Variants in PPP2R5C observed in about 807,000 individuals in gnomAD.
PPP2R5C encodes the protein protein phosphatase 2 regulatory subunit B'gamma.
Under a neutral mutation model 68.9 loss-of-function variants are expected in PPP2R5C, and 7 were observed. That is an observed-to-expected ratio of 0.10 (90% CI 0.06 to 0.19). PPP2R5C has a LOEUF of 0.19. PPP2R5C is among the 10% of genes least tolerant of loss of function. The probability of loss-of-function intolerance (pLI) is 1.00; values close to 1 mark genes in which losing one functional copy is unlikely to be tolerated. For missense variants in PPP2R5C, 348 were observed against 641.3 expected (o/e 0.54, Z 4.94); for synonymous variants, 210 against 222.2 (o/e 0.95, Z 0.49).
chr14:101,854,846 T>C (rs892836158), intron 1 of PPP2R5C, among the ~76,000 whole-genome samples: 1 of 152,212 alleles, frequency 6.6e-6, no homozygotes, highest in Non-Finnish European at 1.5e-5. Flanking sequence ...ACATATTACA[T>C]TTTAACAGAA....
At chr14:101,908,552 G>A (rs567818104) in intron 10 of PPP2R5C, among the ~76,000 whole-genome samples, 1 of 151,944 alleles carries the variant, frequency 6.6e-6, no homozygotes, top group African/African-American at 2.4e-5. Context: ...TTTTGCATTT[G>A]TAGTAGAGAT....
chr14:101,818,798 T>G (rs376076031), intron 1 of PPP2R5C: 14 of 528,274 alleles, frequency 2.7e-5, no homozygotes, highest in African/African-American at 2.5e-4. Flanking sequence ...TGTTTTTAAA[T>G]GTTGATATTT....
intron 3 of PPP2R5C, among the ~76,000 whole-genome samples, chr14:101,798,800 G>C (rs1281996366): frequency 6.6e-6 from 1 of 152,160 alleles, no homozygotes; most frequent in East Asian, 1.9e-4. Flanking sequence ...CTCAGGAAAG[G>C]TTCAGAATGT....
chr14:101,800,383 G>A lies in PPP2R5C; in HGVS notation c.259+14200G>A, dbSNP rs567104465. Among the ~76,000 whole-genome samples the A allele has an allele frequency of 9.2e-5, 14 of 152,094 alleles. No individual in the cohort carries two copies. The East Asian group carries it at 2.3e-3, about 25-fold the overall frequency. On this transcript the variant is annotated intron_variant, in intron 3 of 14. Transcript: ENST00000328724. Reference sequence around the variant, plus strand: ...TTGAGACCAGCCTGGGCAACAAGGCGAAACCCCGTGTCTACTAAAAGTTCA... The same window carrying A: ...TTGAGACCAGCCTGGGCAACAAGGCAAAACCCCGTGTCTACTAAAAGTTCA...
intron 8 of PPP2R5C, among the ~76,000 whole-genome samples, chr14:101,901,151 G>A (rs934044259): frequency 2.6e-5 from 4 of 152,204 alleles, no homozygotes; most frequent in Non-Finnish European, 4.4e-5. Flanking sequence ...TTGTGTACAC[G>A]TGGCCCACAG....
At chr14:101,768,513 G>A (rs746382286) in intron 2 of PPP2R5C, among the ~76,000 whole-genome samples, 1 of 152,044 alleles carries the variant, frequency 6.6e-6, no homozygotes, top group African/African-American at 2.4e-5. Context: ...TATGTGGAAA[G>A]AATTTTTTTT....
chr14:101,852,463 CTTTTTCTTTTT>C (rs1285648388), intron 1 of PPP2R5C, among the ~76,000 whole-genome samples: 4 of 126,192 alleles, frequency 3.2e-5, no homozygotes, highest in Admixed American at 1.6e-4. Context: ...TTTTCATTTT[CTTTTTCTTTTT>C]TTTTTTTTTT....
In PPP2R5C at chr14:101,915,317, T is replaced by G. The variant is rs2046609072; in HGVS notation, c.1327-2514T>G. ...GGCTGGTCTCGAACTCCTGACCTTG[T>G]GATCTACCTGCCTCGGCCTCCCAGA... On this transcript the variant is annotated intron_variant, in intron 12 of 13. Coordinates refer to ENST00000334743, the Ensembl canonical transcript of PPP2R5C. This position sits in a 1 kb window ranked among gnomAD's most constrained non-coding sequence, Gnocchi z 4.2. Among the ~76,000 whole-genome samples the G allele has an allele frequency of 6.6e-6, 1 of 152,150 alleles. No homozygotes were observed.
rs990779788 is a variant in PPP2R5C at position 101,917,435 on chromosome 14, C to A, written c.1327-396C>A. Among the ~76,000 whole-genome samples, 2 of 152,078 alleles carry A rather than the reference C, an allele frequency of 1.3e-5. No individual in the cohort carries two copies. Among genetic ancestry groups the A allele is most frequent in the African/African-American group, 4.8e-5 (2 of 41,394 alleles). ...GGAAAAGAATCATGAGGTTGGAGGT[C>A]GCTGGCAAAGAATGGGCGGCCAGAG... On this transcript the variant is annotated intron_variant, in intron 12 of 13. Coordinates refer to ENST00000334743, the Ensembl canonical transcript of PPP2R5C. This position sits in a 1 kb window ranked among gnomAD's most constrained non-coding sequence, Gnocchi z 4.4.
rs1052157195 is a variant in PPP2R5C at position 101,891,020 on chromosome 14, G to A, written c.689+724G>A. 3.3e-5 allele frequency among the ~76,000 whole-genome samples: 5 copies of A among 151,910 alleles called. No homozygotes were observed. Among genetic ancestry groups the A allele is most frequent in the Admixed American group, 1.3e-4 (2 of 15,240 alleles). On this transcript the variant is annotated intron_variant, in intron 6 of 13. Coordinates refer to ENST00000334743, the Ensembl canonical transcript of PPP2R5C. The surrounding 1 kb of genome is among the most constrained non-coding windows in gnomAD (Gnocchi z 4.9). The stretch of plus-strand genomic sequence containing the variant: ...ACTGCTGGCCTCAGGTGATCTGCCC[G>A]CCTCACCTCCCAAAGTGCTGAGATT...
In PPP2R5C at chr14:101,913,499, C is replaced by A. The variant is rs2046499457; in HGVS notation, c.1326+1026C>A. On this transcript the variant is annotated intron_variant, in intron 12 of 13. Transcript: ENST00000334743. This position sits in a 1 kb window ranked among gnomAD's most constrained non-coding sequence, Gnocchi z 4.1. ...CGGAATGACATTTCTAATTGTGAGC[C>A]CTTGAGTCCACCTAAAACAGGTAGC... is the stretch of plus-strand genomic sequence containing the variant. Among the ~76,000 whole-genome samples the A allele has an allele frequency of 6.6e-6, 1 of 152,104 alleles. No homozygotes were observed. Among genetic ancestry groups the A allele is most frequent in the Admixed American group, 6.5e-5 (1 of 15,284 alleles).
chr14:101,849,800 T>G (rs968621684), intron 1 of PPP2R5C, among the ~76,000 whole-genome samples: 1 of 152,186 alleles, frequency 6.6e-6, no homozygotes, highest in Non-Finnish European at 1.5e-5. Flanking sequence ...TCCTCACTCC[T>G]CTGCAACCCT....
intron 1 of PPP2R5C, chr14:101,821,238 T>C (rs189551416): frequency 8.0e-4 from 122 of 152,252 alleles, no homozygotes; most frequent in African/African-American, 2.9e-3. Context: ...TCTTTGTTTT[T>C]CAAATCTTTT....
chr14:101,826,170 T>C (rs2040387654), intron 1 of PPP2R5C, among the ~76,000 whole-genome samples: 1 of 150,532 alleles, frequency 6.6e-6, no homozygotes, highest in Non-Finnish European at 1.5e-5. Flanking sequence ...CAGTTTATCT[T>C]GATTTGTTTT....
At chr14:101,801,177 A>G (rs2038847394) in intron 3 of PPP2R5C, among the ~76,000 whole-genome samples, 2 of 152,226 alleles carry the variant, frequency 1.3e-5, no homozygotes, top group South Asian at 4.1e-4. Flanking sequence ...ACAATAATTT[A>G]TTATATATTT....
intron 1 of PPP2R5C, among the ~76,000 whole-genome samples, chr14:101,816,914 T>TA (rs1329435831): frequency 7.1e-6 from 1 of 141,034 alleles, no homozygotes; most frequent in Non-Finnish European, 1.5e-5. Context: ...ATATATAATA[T>TA]ATATATTTAT....
intron 2 of PPP2R5C, among the ~76,000 whole-genome samples, chr14:101,772,135 T>C (rs1210263216): frequency 6.6e-6 from 1 of 152,150 alleles, no homozygotes; most frequent in Non-Finnish European, 1.5e-5. Flanking sequence ...TTTAATTTAA[T>C]TGAACTTATT....
chr14:101,772,068 G>A (rs2037178889), intron 2 of PPP2R5C, among the ~76,000 whole-genome samples: 1 of 152,112 alleles, frequency 6.6e-6, no homozygotes, highest in Admixed American at 6.5e-5. Flanking sequence ...AGTTCTGCTG[G>A]ACAGAGCTAC....
At chr14:101,909,236 A>G (rs1368214133) in intron 10 of PPP2R5C, among the ~76,000 whole-genome samples, 1 of 152,250 alleles carries the variant, frequency 6.6e-6, no homozygotes, top group Non-Finnish European at 1.5e-5. Context: ...ACTGACATTT[A>G]TAGGAAATCA....
Sources: allele counts gnomAD v4.1 joint callset (sites outside exome capture counted in the v4.1 genomes callset), GRCh38; gene constraint gnomAD v4.1.1; non-coding constraint Gnocchi (gnomAD v3.1); transcripts MANE v1.5; gene names NCBI Gene and HGNC (gene_info 2026-07-23, HGNC 2026-07-21).